Variants in OTOGL observed in about 807,000 individuals in gnomAD.
OTOGL encodes otogelin like.
OTOGL carries 285 observed loss-of-function variants against 318.5 expected under a neutral mutation model. That is an observed-to-expected ratio of 0.89 (90% CI 0.81 to 0.99). The LOEUF (loss-of-function observed/expected upper bound fraction) is 0.99, where lower values mean the gene tolerates loss of function less well. Ranked by LOEUF, OTOGL falls within the 50% of genes least tolerant of loss-of-function variation. The pLI is 0.00. For synonymous variants in OTOGL, 987 were observed against 936.5 expected, an observed-to-expected ratio of 1.05 and a Z score of -0.99; for missense variants, 2,899 against 2,845.6, an observed-to-expected ratio of 1.02 and a Z score of -0.43.
At chr12:80,258,689 A>C (rs1213401556) in intron 18 of OTOGL, among the ~76,000 whole-genome samples, 3 of 152,104 alleles carry the variant, frequency 2.0e-5, no homozygotes, top group African/African-American at 7.2e-5. Context: ...TCTCATCCTC[A>C]TGGAGCTTTG....
intron 29 of OTOGL, among the ~76,000 whole-genome samples, chr12:80,309,877 C>T (rs999348360): frequency 6.6e-6 from 1 of 152,068 alleles, no homozygotes; most frequent in African/African-American, 2.4e-5. Flanking sequence ...AGGGATATGG[C>T]AGTGACTAGT....
intron 44 of OTOGL, among the ~76,000 whole-genome samples, chr12:80,347,870 G>GAT (rs1194096075): frequency 2.0e-5 from 3 of 152,160 alleles, no homozygotes; most frequent in Middle Eastern, 3.2e-3. Flanking sequence ...CTAATGACCA[G>GAT]TGGTGCTGAA....
At chr12:80,207,577 A>G (rs1026534894) in intron 1 of OTOGL, among the ~76,000 whole-genome samples, 5 of 152,200 alleles carry the variant, frequency 3.3e-5, no homozygotes, top group African/African-American at 4.8e-5. Flanking sequence ...ATCCTGAAGT[A>G]TGATTTATAG....
chr12:80,173,004 T>C (rs936440443), intron 1 of OTOGL, among the ~76,000 whole-genome samples: 39 of 152,118 alleles, frequency 2.6e-4, no homozygotes, highest in African/African-American at 8.9e-4. Context: ...ACCTGAGTGA[T>C]GGGATGTTCT....
At chr12:80,175,799 T>C (rs991496698) in intron 1 of OTOGL, among the ~76,000 whole-genome samples, 1 of 152,172 alleles carries the variant, frequency 6.6e-6, no homozygotes, top group Non-Finnish European at 1.5e-5. Flanking sequence ...TCTATACCAA[T>C]ATGAAGGTTG....
intron 11 of OTOGL, among the ~76,000 whole-genome samples, chr12:80,249,600 G>C (rs1237821231): frequency 6.6e-6 from 1 of 152,080 alleles, no homozygotes; most frequent in African/African-American, 2.4e-5. Context: ...AGTCTGCAGA[G>C]GTTACTGCTG....
chr12:80,241,946 A>G (rs1189836934), intron 11 of OTOGL, among the ~76,000 whole-genome samples: 1 of 151,834 alleles, frequency 6.6e-6, no homozygotes, highest in African/African-American at 2.4e-5. Context: ...AAAAAGGGAG[A>G]AAAAAAACCA....
chr12:80,184,100 C>G (rs1223944760), intron 1 of OTOGL, among the ~76,000 whole-genome samples: 2 of 152,152 alleles, frequency 1.3e-5, no homozygotes, highest in Non-Finnish European at 2.9e-5. Context: ...TATGTTTAAA[C>G]TAGGAATGGA....
At chr12:80,294,087 T>C (rs1462691958) in intron 26 of OTOGL, among the ~76,000 whole-genome samples, 1 of 152,162 alleles carries the variant, frequency 6.6e-6, no homozygotes, top group Non-Finnish European at 1.5e-5. Flanking sequence ...AGGTGACACA[T>C]TGATGTTGAC....
At chr12:80,201,313 G>A (rs1290842442) in intron 1 of OTOGL, among the ~76,000 whole-genome samples, 2 of 152,144 alleles carry the variant, frequency 1.3e-5, no homozygotes, top group Non-Finnish European at 2.9e-5. Flanking sequence ...CAAGAAGTGT[G>A]GTGCCAGTAT....
At chr12:80,310,057 T>G (rs547190569) in intron 29 of OTOGL, among the ~76,000 whole-genome samples, 1 of 152,126 alleles carries the variant, frequency 6.6e-6, no homozygotes, top group Non-Finnish European at 1.5e-5. Flanking sequence ...AGGAGAGACA[T>G]TTAAGAAGGG....
intron 30 of OTOGL, among the ~76,000 whole-genome samples, chr12:80,312,268 C>T (rs889027918): frequency 3.9e-5 from 6 of 152,190 alleles, no homozygotes; most frequent in Middle Eastern, 3.4e-3. Flanking sequence ...AAAAACATTA[C>T]GATAGACCGG....
chr12:80,339,969 G>C lies in OTOGL; in HGVS notation c.5050+705G>C, dbSNP rs534615948. On this transcript the variant is annotated intron_variant, in intron 43 of 58. Coordinates refer to ENST00000547103, the MANE Select transcript of OTOGL (RefSeq NM_001378609.3). ...AACACAGGTTATTCTCTTTACAGTT[G>C]TGTGCTCTGAAGAGAATGTCAGTTT... is the stretch of plus-strand genomic sequence containing the variant. Among the ~76,000 whole-genome samples, 36 of 152,244 alleles carry C rather than the reference G, an allele frequency of 2.4e-4. 1 individual carries two copies. The highest frequency in any genetic ancestry group is 4.1e-4 in the Non-Finnish European group (28 of 67,978).
intron 27 of OTOGL, among the ~76,000 whole-genome samples, chr12:80,300,294 G>T (rs1445205349): frequency 6.6e-6 from 1 of 151,754 alleles, no homozygotes; most frequent in Non-Finnish European, 1.5e-5. Flanking sequence ...AGTGCTGAGG[G>T]CCTTCCTTGC....
chr12:80,327,848 A>G (rs1887784547), intron 35 of OTOGL, among the ~76,000 whole-genome samples: 2 of 148,834 alleles, frequency 1.3e-5, no homozygotes, highest in Admixed American at 1.4e-4. Flanking sequence ...AGTCCCAGCT[A>G]CTTGGGAGGC....
intron 1 of OTOGL, among the ~76,000 whole-genome samples, chr12:80,181,370 C>T (rs1472539970): frequency 2.6e-5 from 4 of 151,440 alleles, no homozygotes; most frequent in South Asian, 4.2e-4. Flanking sequence ...AATTACCTTA[C>T]AGCAGACTGG....
At chr12:80,222,691 T>A (rs942572166) in intron 7 of OTOGL, among the ~76,000 whole-genome samples, 1 of 152,158 alleles carries the variant, frequency 6.6e-6, no homozygotes, top group African/African-American at 2.4e-5. Context: ...AATAAGGATG[T>A]CAGGGACCTC....
rs1886073421 is a variant in OTOGL, at chr12:80,305,812, T to C, written c.3333+117T>C. ...TTTACATACTATTTTCATAGTAATTTATAGCTGATAAACATTCATATTTAT... is the reference window on the plus strand; with the variant it reads ...TTTACATACTATTTTCATAGTAATTCATAGCTGATAAACATTCATATTTAT... On this transcript the variant is annotated intron_variant, in intron 29 of 58. Transcript: ENST00000547103. 5 of 855,168 alleles carry C rather than the reference T, an allele frequency of 5.8e-6. No homozygotes were observed. The South Asian group carries it at 1.6e-4, about 27-fold the overall frequency. 53.0% of individuals were successfully genotyped at this position (855,168 alleles called of 1,614,324 possible).
At chr12:80,254,969 C>T in intron 15 of OTOGL, 71 bp from the exon 16 acceptor site, 2 of 1,225,570 alleles carry the variant, frequency 1.6e-6, no homozygotes, top group South Asian at 4.2e-5. Context: ...CTAATGGTAT[C>T]ATCCTCCTCT....
Sources: gnomAD v4.1 joint callset for allele counts (sites outside exome capture counted in the v4.1 genomes callset) on GRCh38, gnomAD v4.1.1 for gene constraint, MANE v1.5 for transcripts, NCBI Gene and HGNC (gene_info 2026-07-23, HGNC 2026-07-21) for gene names.